The following CNTN3 variants were observed in gnomAD, a reference collection of about 807,000 sequenced individuals.
CNTN3 encodes the protein contactin 3.
A neutral mutation model predicts 119.1 loss-of-function variants in CNTN3; 60 were observed. The observed-to-expected ratio is 0.50, with a 90% CI of 0.41 to 0.62. The LOEUF (loss-of-function observed/expected upper bound fraction) is 0.62. Ranked by LOEUF, CNTN3 falls within the 20% of genes least tolerant of loss-of-function variation. The pLI, the probability that CNTN3 is intolerant of heterozygous loss-of-function variation, is 0.00. For missense variants in CNTN3, 1,101 were observed against 1,242.4 expected, an observed-to-expected ratio of 0.89 and a Z score of 1.71; for synonymous variants, 450 against 438.7, an observed-to-expected ratio of 1.03 and a Z score of -0.32.
rs1701968696 is a variant in CNTN3, at chr3:74,441,663, G to A, written c.359-16723C>T. On this transcript the variant is annotated intron_variant, in intron 4 of 22. Coordinates refer to ENST00000263665, the MANE Select transcript of CNTN3 (RefSeq NM_020872.3). ...TGTGCTGATGTGGAGGATAAAATGA[G>A]ATGAAAATGGGACAAATCTAAACAT... is the stretch of plus-strand genomic sequence containing the variant. Among the ~76,000 whole-genome samples, 3 of 152,112 alleles carry A rather than the reference G, an allele frequency of 2.0e-5. No individual in the cohort carries two copies. The South Asian group carries it at 6.2e-4, about 32-fold the overall frequency.
intron 4 of CNTN3, among the ~76,000 whole-genome samples, chr3:74,432,386 T>TAAA (rs772802742): frequency 6.2e-5 from 8 of 129,250 alleles, no homozygotes; most frequent in African/African-American, 2.2e-4. Flanking sequence ...GCCAATGAGC[T>TAAA]AAAAAAAAAA....
rs1262612720 is a variant in CNTN3, at chr3:74,336,604, A to G, written c.1419T>C (p.Asp473=). 4.3e-6 allele frequency: 7 copies of G among 1,612,584 alleles called. No individual in the cohort carries two copies. The highest frequency in any genetic ancestry group is 5.9e-6 in the Non-Finnish European group (7 of 1,179,012). Residue 473 remains aspartate, a synonymous_variant, in exon 12 of 23, where the codon GAT becomes GAC. Coordinates refer to ENST00000263665, the MANE Select transcript of CNTN3 (RefSeq NM_020872.3). ...CTGCCATGCAGGTGTAAGTTCCAGC[A>G]TCAGCTTTAGTCACATTGGCTATTT... ...GLKIANVTKA[D]AGTYTCMAEN...
At chr3:74,411,839 G>A (rs138508904) in intron 5 of CNTN3, among the ~76,000 whole-genome samples, 2 of 152,256 alleles carry the variant, frequency 1.3e-5, no homozygotes, top group East Asian at 3.9e-4. Flanking sequence ...TCAGTAAATG[G>A]TAGTAGTAAA....
intron 20 of CNTN3, among the ~76,000 whole-genome samples, chr3:74,275,706 C>A (rs542215235): frequency 6.6e-6 from 1 of 151,758 alleles, no homozygotes; most frequent in South Asian, 2.1e-4. Context: ...AAAAAAAATA[C>A]AATTTAAAAC....
intron 5 of CNTN3, among the ~76,000 whole-genome samples, chr3:74,391,452 G>A (rs1476477804): frequency 6.6e-6 from 1 of 151,908 alleles, no homozygotes; most frequent in African/African-American, 2.4e-5. Context: ...TGGGGCTGTG[G>A]AGAAGATAAA....
intron 5 of CNTN3, among the ~76,000 whole-genome samples, chr3:74,405,101 T>C (rs1203163734): frequency 2.0e-5 from 3 of 152,106 alleles, no homozygotes; most frequent in South Asian, 2.1e-4. Flanking sequence ...TTTGGAGTCA[T>C]AGTTGGTAAA....
At chr3:74,448,979 G>A (rs954712759) in intron 4 of CNTN3, among the ~76,000 whole-genome samples, 2 of 151,914 alleles carry the variant, frequency 1.3e-5, no homozygotes, top group Non-Finnish European at 2.9e-5. Context: ...TGGTTTCAGC[G>A]ATCAGGACAC....
chr3:74,398,655 T>A (rs1705114699), intron 5 of CNTN3, among the ~76,000 whole-genome samples: 1 of 152,222 alleles, frequency 6.6e-6, no homozygotes, highest in African/African-American at 2.4e-5. Flanking sequence ...TTCATTTAGA[T>A]CAACTTTTAA....
intron 1 of CNTN3, among the ~76,000 whole-genome samples, chr3:74,579,202 G>A (rs1214199248): frequency 6.6e-6 from 1 of 152,004 alleles, no homozygotes; most frequent in East Asian, 1.9e-4. Flanking sequence ...TTATGGAGGA[G>A]ATAACGATTT....
At chr3:74,521,607 C>A (rs1264397421) in intron 1 of CNTN3, among the ~76,000 whole-genome samples, 3 of 151,774 alleles carry the variant, frequency 2.0e-5, no homozygotes, top group African/African-American at 7.2e-5. Context: ...TTTCTGAATT[C>A]CTAATAAAGC....
chr3:74,277,105 G>A (rs1207408703), intron 20 of CNTN3, among the ~76,000 whole-genome samples: 1 of 152,096 alleles, frequency 6.6e-6, no homozygotes, highest in Non-Finnish European at 1.5e-5. Context: ...ACCCTGAACA[G>A]ACCAATAACA....
intron 4 of CNTN3, among the ~76,000 whole-genome samples, chr3:74,466,862 G>A (rs903622552): frequency 2.0e-5 from 3 of 152,078 alleles, no homozygotes; most frequent in Non-Finnish European, 4.4e-5. Context: ...TAGTATTACT[G>A]AGTGCAAAGA....
At chr3:74,474,033 A>T (rs1486061778) in intron 4 of CNTN3, among the ~76,000 whole-genome samples, 2 of 152,128 alleles carry the variant, frequency 1.3e-5, no homozygotes, top group East Asian at 3.9e-4. Context: ...TTGGATGGAG[A>T]TGAGGAAATT....
At chr3:74,465,258 A>G (rs528444157) in intron 4 of CNTN3, among the ~76,000 whole-genome samples, 3 of 152,282 alleles carry the variant, frequency 2.0e-5, no homozygotes, top group Admixed American at 2.0e-4. Context: ...CCGGGGATAC[A>G]AAGAATACCA....
chr3:74,325,836 A>G (rs555911330), intron 13 of CNTN3, among the ~76,000 whole-genome samples: 1 of 152,268 alleles, frequency 6.6e-6, no homozygotes, highest in Admixed American at 6.5e-5. Context: ...GAATGATGAA[A>G]CTATATGTGT....
At chr3:74,270,216 T>C (rs1315056750) in intron 20 of CNTN3, among the ~76,000 whole-genome samples, 2 of 152,266 alleles carry the variant, frequency 1.3e-5, no homozygotes, top group East Asian at 3.9e-4. Flanking sequence ...CTCCTTCTCA[T>C]TGGCATCCCA....
rs756127880 is a variant in CNTN3, at chr3:74,361,915, C to A, written c.1339G>T (p.Asp447Tyr). The A allele has an allele frequency of 1.2e-6, 2 of 1,613,200 alleles. No homozygotes were observed. Among genetic ancestry groups the A allele is most frequent in the Non-Finnish European group, 1.7e-6 (2 of 1,179,508 alleles). Residue 447 changes from aspartate to tyrosine, a missense_variant, in exon 11 of 23, where the codon GAT becomes TAT. Coordinates refer to ENST00000263665, the MANE Select transcript of CNTN3 (RefSeq NM_020872.3). ...PRALSSWKKG[D>Y]VSVQEHERIS... ...CTTTCATGCTCCTGCACGCTCACAT[C>A]CCCCTTCTTCCAGGAAGAGAGTGCC...
intron 5 of CNTN3, among the ~76,000 whole-genome samples, chr3:74,404,183 T>C (rs780713824): frequency 1.3e-5 from 2 of 152,122 alleles, no homozygotes; most frequent in Non-Finnish European, 2.9e-5. Flanking sequence ...TTACCTCAAC[T>C]GCTGGGCTAA....
At chr3:74,283,167 T>C (rs1702047785) in intron 20 of CNTN3, among the ~76,000 whole-genome samples, 1 of 152,122 alleles carries the variant, frequency 6.6e-6, no homozygotes, top group African/African-American at 2.4e-5. Context: ...AAAGAGAGGA[T>C]ACCATAGTGG....
Sources: gnomAD v4.1 joint callset for allele counts (sites outside exome capture counted in the v4.1 genomes callset) on GRCh38, gnomAD v4.1.1 for gene constraint, MANE v1.5 for transcripts, NCBI Gene and HGNC (gene_info 2026-07-23, HGNC 2026-07-21) for gene names.